TLK1: variants seen among roughly 807,000 people sequenced by gnomAD.
TLK1 encodes serine/threonine-protein kinase tousled-like 1.
Under a neutral mutation model 105.3 loss-of-function variants are expected in TLK1, and 24 were observed. That is an observed-to-expected ratio of 0.23 (90% confidence interval 0.17 to 0.32). TLK1 has a LOEUF of 0.32. Among genes scored for constraint, TLK1 ranks in the 10% least tolerant of loss-of-function variants. The pLI is 1.00. For synonymous variants in TLK1, 321 were observed against 310.4 expected, an observed-to-expected ratio of 1.03 and a Z score of -0.36; for missense variants, 558 against 910.5, an observed-to-expected ratio of 0.61 and a Z score of 4.98.
chr2:171,023,039 G>C, intron 12 of TLK1: 1 of 471,000 alleles, frequency 2.1e-6, no homozygotes, highest in Non-Finnish European at 4.4e-6. Flanking sequence ...TGATGCTGCT[G>C]CTGCCTGTTA....
chr2:171,136,443 G>C (rs537240059), intron 1 of TLK1, among the ~76,000 whole-genome samples: 3 of 152,280 alleles, frequency 2.0e-5, no homozygotes, highest in African/African-American at 7.2e-5. Flanking sequence ...ATGGCTAAGA[G>C]GTAGCCAGGC....
intron 11 of TLK1, chr2:171,045,252 A>G (rs1686898033): frequency 1.4e-5 from 2 of 140,674 alleles, no homozygotes; most frequent in East Asian, 2.1e-4. Context: ...TTTTTTTGAG[A>G]AAGTCTCACT....
chr2:171,133,325 G>A (rs1012453690), intron 1 of TLK1, among the ~76,000 whole-genome samples: 3 of 152,278 alleles, frequency 2.0e-5, no homozygotes, highest in Admixed American at 6.5e-5. Context: ...GAATTCAGGC[G>A]CAGGCTCATG....
intron 11 of TLK1, among the ~76,000 whole-genome samples, chr2:171,039,368 C>T (rs374381898): frequency 1.6e-4 from 25 of 152,236 alleles, no homozygotes; most frequent in African/African-American, 5.1e-4. Context: ...CAGGCTCAAG[C>T]GATCCTCCCA....
At chr2:171,054,825 C>T (rs967201979) in intron 7 of TLK1, 1 of 253,420 alleles carries the variant, frequency 3.9e-6, no homozygotes, top group Non-Finnish European at 7.5e-6. Flanking sequence ...ATTACATATA[C>T]TTGGAAATTA....
chr2:171,201,180 G>C (rs548145596), intron 1 of TLK1, among the ~76,000 whole-genome samples: 1 of 151,958 alleles, frequency 6.6e-6, no homozygotes, highest in Admixed American at 6.6e-5. Context: ...CACCGCACCC[G>C]GCCTCAAATC....
intron 3 of TLK1, among the ~76,000 whole-genome samples, chr2:171,074,626 C>CAAAAAA (rs372844435): frequency 3.3e-5 from 3 of 89,946 alleles, no homozygotes; most frequent in Non-Finnish European, 7.0e-5. Context: ...GACTCTGCCT[C>CAAAAAA]AAAAAAAAAA....
intron 1 of TLK1, chr2:171,154,331 A>G (rs1366324057): frequency 6.6e-6 from 1 of 152,112 alleles, no homozygotes; most frequent in Non-Finnish European, 1.5e-5. Flanking sequence ...GAATGACAAT[A>G]TTTTTGAGCT....
intron 1 of TLK1, chr2:171,153,848 T>C (rs969268140): frequency 2.0e-5 from 3 of 152,224 alleles, no homozygotes; most frequent in Non-Finnish European, 4.4e-5. Context: ...TCACACTACT[T>C]ACCATGCTCA....
intron 5 of TLK1, 122 bp downstream of exon 5, chr2:171,058,029 T>G: frequency 1.1e-6 from 1 of 895,826 alleles, no homozygotes; most frequent in Non-Finnish European, 1.7e-6. Flanking sequence ...CACATAGTAA[T>G]AAAGCTCTGC....
chr2:171,204,696 C>T (rs890182551), intron 1 of TLK1, among the ~76,000 whole-genome samples: 1 of 152,252 alleles, frequency 6.6e-6, no homozygotes, highest in Non-Finnish European at 1.5e-5. Context: ...TGGTGGTTCA[C>T]GCCTGTAATC....
At chr2:171,073,961 G>T (rs1378813262) in intron 3 of TLK1, among the ~76,000 whole-genome samples, 1 of 148,096 alleles carries the variant, frequency 6.8e-6, no homozygotes, top group African/African-American at 2.5e-5. Context: ...TGCAATCTCG[G>T]CTCACTGCAA....
At chr2:171,159,674 A>C (rs936906408) in intron 1 of TLK1, 3 of 152,338 alleles carry the variant, frequency 2.0e-5, no homozygotes, top group Non-Finnish European at 4.4e-5. Context: ...CGGTTTTAAA[A>C]GCCTGCCCAC....
chr2:171,046,498 A>G, intron 10 of TLK1, 136 bp from the exon 11 acceptor site: 1 of 936,194 alleles, frequency 1.1e-6, no homozygotes, highest in Middle Eastern at 3.4e-4. Context: ...CTTGTGAACC[A>G]ATTTGTACTT....
intron 6 of TLK1, among the ~76,000 whole-genome samples, chr2:171,055,413 A>C (rs1340459071): frequency 6.6e-6 from 1 of 151,940 alleles, no homozygotes; most frequent in Non-Finnish European, 1.5e-5. Context: ...CCCTGCCCTC[A>C]TAGAGCTTAC....
rs941517829 is a variant in TLK1 at position 171,079,957 on chromosome 2, T to A, written c.330+2824A>T. Among the ~76,000 whole-genome samples the A allele has an allele frequency of 8.5e-5, 13 of 152,124 alleles. 1 individual carries two copies. Among genetic ancestry groups the A allele is most frequent in the African/African-American group, 3.1e-4 (13 of 41,416 alleles). Reference sequence around the variant, plus strand: ...AACTACAATAGGGTATGCATATTAATTATATTAAAATATGGATATAAATTT... The same window carrying A: ...AACTACAATAGGGTATGCATATTAAATATATTAAAATATGGATATAAATTT... On this transcript the variant is annotated intron_variant, in intron 3 of 20. Transcript: ENST00000431350.
intron 3 of TLK1, among the ~76,000 whole-genome samples, chr2:171,080,731 A>G (rs1336272588): frequency 2.6e-5 from 4 of 151,320 alleles, no homozygotes; most frequent in Non-Finnish European, 5.9e-5. Context: ...TTCTTAAGAC[A>G]GGGTCTCACT....
intron 1 of TLK1, among the ~76,000 whole-genome samples, chr2:171,202,629 C>A (rs916631377): frequency 6.7e-6 from 1 of 148,334 alleles, no homozygotes; most frequent in Non-Finnish European, 1.5e-5. Context: ...TGGTGGTGTG[C>A]GCCGGTAGTC....
intron 1 of TLK1, among the ~76,000 whole-genome samples, chr2:171,207,505 CA>C (rs1173061201): frequency 6.6e-6 from 1 of 152,098 alleles, no homozygotes; most frequent in Non-Finnish European, 1.5e-5. Context: ...AACCCTAATA[CA>C]AACAATGGAC....
Sources: allele counts gnomAD v4.1 joint callset (sites outside exome capture counted in the v4.1 genomes callset), GRCh38; gene constraint gnomAD v4.1.1; transcripts MANE v1.5; gene names NCBI Gene and HGNC (gene_info 2026-07-23, HGNC 2026-07-21).